NPFFR1: variants seen among roughly 807,000 people sequenced by gnomAD.
The protein encoded by NPFFR1 is G-protein coupled receptor 147.
In NPFFR1, 17 loss-of-function variants were observed where a neutral mutation model predicts 12.7. The ratio of observed to expected loss-of-function variants is 1.34; its 90% confidence interval spans 0.92 to 2.01. The LOEUF (loss-of-function observed/expected upper bound fraction) is 2.01, where lower values mean the gene tolerates loss of function less well. NPFFR1 is among the 30% of genes most tolerant of loss of function. The pLI is 0.00. For synonymous variants in NPFFR1, 296 were observed against 264.5 expected, an observed-to-expected ratio of 1.12 and a Z score of -1.16; for missense variants, 604 against 606.5, an observed-to-expected ratio of 1.00 and a Z score of 0.04.
chr10:70,280,746 G>A (rs1248464777), intron 1 of NPFFR1, among the ~76,000 whole-genome samples: 1 of 152,136 alleles, frequency 6.6e-6, no homozygotes, highest in Non-Finnish European at 1.5e-5. Context: ...GCTCACACCT[G>A]TAATCCCAGC....
At position 70,264,387 on chromosome 10, in the gene NPFFR1, A is replaced by G. The variant is rs796446007; in HGVS notation, c.322+1690T>C. On this transcript the variant is annotated intron_variant, in intron 2 of 3. Transcript: ENST00000277942. ...ACTCCAAAAAAAAAAAAAAAAAAAA[A>G]AAAGAAAGAAAAAATAGTGAAGCTG... Among the ~76,000 whole-genome samples, 718 of 148,700 alleles carry G rather than the reference A, an allele frequency of 4.8e-3. 4 individuals carry two copies. The highest frequency in any genetic ancestry group is 0.015 in the African/African-American group (598 of 40,200).
chr10:70,255,413 G>T lies in NPFFR1; in HGVS notation c.837C>A (p.Phe279Leu). ...VHMLVMVALFFTLSWLPLWAL... is the reference protein window; with the variant it reads ...VHMLVMVALFLTLSWLPLWAL... ...CCCAGAGCGGCAGCCAGGACAGCGTGAAGAACAGCGCCACCATGACCAGCA... is the reference window on the plus strand; with the variant it reads ...CCCAGAGCGGCAGCCAGGACAGCGTTAAGAACAGCGCCACCATGACCAGCA... Residue 279 changes from phenylalanine to leucine, a missense_variant, in exon 4 of 4, where the codon TTC (phenylalanine) becomes TTA (leucine). Transcript: ENST00000277942. This position sits in a 1 kb window ranked among gnomAD's most constrained non-coding sequence, Gnocchi z 4.2. 1 of 1,546,344 alleles carries T rather than the reference G, an allele frequency of 6.5e-7. No individual in the cohort carries two copies. Among genetic ancestry groups the T allele is most frequent in the African/African-American group, 1.4e-5 (1 of 73,180 alleles).
At position 70,266,225 on chromosome 10, in the gene NPFFR1, C is replaced by G. The variant is rs1348436270; in HGVS notation, c.174G>C (p.Met58Ile). The G allele has an allele frequency of 1.9e-6, 3 of 1,613,868 alleles. No homozygotes were observed. The highest frequency in any genetic ancestry group is 2.5e-6 in the Non-Finnish European group (3 of 1,179,902). Residue 58 changes from methionine to isoleucine, a missense_variant, in exon 2 of 4, where the codon ATG becomes ATC. Coordinates refer to ENST00000277942, the MANE Select transcript of NPFFR1 (RefSeq NM_022146.5). ...VAYALIFLLC[M>I]VGNTLVCFIV... ...TGAAACAGACCAGGGTGTTGCCCAC[C>G]ATGCAGAGCAGGAAGATGAGCGCAT... is the stretch of plus-strand genomic sequence containing the variant.
intron 1 of NPFFR1, among the ~76,000 whole-genome samples, chr10:70,278,353 C>G (rs895407163): frequency 2.7e-5 from 4 of 149,358 alleles, no homozygotes; most frequent in Non-Finnish European, 3.0e-5. Context: ...AGATCTCCCC[C>G]ATCTTGAATG....
intron 3 of NPFFR1, among the ~76,000 whole-genome samples, chr10:70,256,072 C>CTTT (rs60840539): frequency 7.3e-6 from 1 of 137,784 alleles, no homozygotes; most frequent in Non-Finnish European, 1.6e-5. Context: ...CACTTTTCTC[C>CTTT]TTTTTTTTTT....
Position 70,255,953 on chromosome 10 carries a change from G to T in NPFFR1, c.423-126C>A. ...TAGGGCGGCGTCGAAGAACAGCTCA[G>T]ACCTGAATTGGCTGAGTAGTCAAAG... On this transcript the variant is annotated intron_variant, in intron 3 of 3. Transcript: ENST00000277942. The surrounding 1 kb of genome is among the most constrained non-coding windows in gnomAD (Gnocchi z 4.2). 1 of 1,002,270 alleles carries T rather than the reference G, an allele frequency of 1.0e-6. No homozygotes were observed. Among genetic ancestry groups the T allele is most frequent in the Non-Finnish European group, 1.4e-6 (1 of 693,204 alleles). 62.1% of individuals were successfully genotyped at this position (1,002,270 alleles called of 1,614,324 possible).
intron 1 of NPFFR1, among the ~76,000 whole-genome samples, chr10:70,267,111 A>C (rs887349079): frequency 6.6e-6 from 1 of 152,090 alleles, no homozygotes; most frequent in Non-Finnish European, 1.5e-5. Context: ...CAATTATTAT[A>C]CCCTCAAACT....
chr10:70,266,203 A>C lies in NPFFR1; in HGVS notation c.196T>G (p.Phe66Val). ...ATGTGCCGGTTCTTGAGCACGATGAAACAGACCAGGGTGTTGCCCACCATG... is the reference window on the plus strand; with the variant it reads ...ATGTGCCGGTTCTTGAGCACGATGACACAGACCAGGGTGTTGCCCACCATG... ...LCMVGNTLVC[F>V]IVLKNRHMHT... The change falls in exon 2 of 4, where the codon TTC becomes GTC. Residue 66 changes from phenylalanine to valine, a missense_variant. Coordinates refer to ENST00000277942, the MANE Select transcript of NPFFR1 (RefSeq NM_022146.5). 1 of 1,614,042 alleles carries C rather than the reference A, an allele frequency of 6.2e-7. No homozygotes were observed. The highest frequency in any genetic ancestry group is 8.5e-7 in the Non-Finnish European group (1 of 1,179,902).
At chr10:70,282,000 T>A (rs78452090) in intron 1 of NPFFR1, among the ~76,000 whole-genome samples, 4,221 of 152,320 alleles carry the variant, frequency 0.028, 113 homozygotes, top group East Asian at 0.13. Context: ...GCTTTTTAGA[T>A]AAAAAATTTA....
At position 70,272,265 on chromosome 10, in the gene NPFFR1, A is replaced by G. The variant is rs147329857; in HGVS notation, c.8-5874T>C. Among the ~76,000 whole-genome samples, 55 of 147,842 alleles carry G rather than the reference A, an allele frequency of 3.7e-4. No individual in the cohort carries two copies. In the East Asian group the frequency reaches 8.8e-3, roughly 24 times the overall value. ...GAAAGAAGAAAGAAGAAAGAAAATA[A>G]TAGAAAGAAAACAATCCCTAAATGA... On this transcript the variant is annotated intron_variant, in intron 1 of 3. Transcript: ENST00000277942.
chr10:70,272,562 A>G (rs1410282032), intron 1 of NPFFR1, among the ~76,000 whole-genome samples: 1 of 152,260 alleles, frequency 6.6e-6, no homozygotes, highest in Non-Finnish European at 1.5e-5. Context: ...TTGTAATCTA[A>G]GCAATGCAAT....
In NPFFR1 at chr10:70,255,653, C is replaced by T. The variant is rs10999212; in HGVS notation, c.597G>A (p.Pro199=). 53 of 1,593,622 alleles carry T rather than the reference C, an allele frequency of 3.3e-5. 1 individual carries two copies. The highest frequency in any genetic ancestry group is 2.5e-4 in the South Asian group (22 of 87,808). ...GCCAGGCCTCCCAGCAGGAGTAGAGCGGGTAGGAGCGGTTGCGGGCGTCCA... is the reference window on the plus strand; with the variant it reads ...GCCAGGCCTCCCAGCAGGAGTAGAGTGGGTAGGAGCGGTTGCGGGCGTCCA... ...FMVDARNRSY[P]LYSCWEAWPE... Residue 199 remains proline (P), a synonymous_variant, in exon 4 of 4, where the codon CCG becomes CCA. Coordinates refer to ENST00000277942, the MANE Select transcript of NPFFR1 (RefSeq NM_022146.5). The surrounding 1 kb of genome is among the most constrained non-coding windows in gnomAD (Gnocchi z 4.2).
At chr10:70,265,320 C>G (rs988896370) in intron 2 of NPFFR1, among the ~76,000 whole-genome samples, 1 of 152,210 alleles carries the variant, frequency 6.6e-6, no homozygotes, top group South Asian at 2.1e-4. Flanking sequence ...TCTCTGAAAA[C>G]CAGTCCCTCA....
chr10:70,263,718 T>C (rs904989139), intron 2 of NPFFR1, among the ~76,000 whole-genome samples: 1 of 151,688 alleles, frequency 6.6e-6, no homozygotes, highest in African/African-American at 2.4e-5. Context: ...CAGAGTGAAA[T>C]CACATAGTGC....
intron 1 of NPFFR1, among the ~76,000 whole-genome samples, chr10:70,276,990 G>A (rs1327651828): frequency 2.6e-5 from 4 of 152,174 alleles, no homozygotes; most frequent in Admixed American, 6.5e-5. Flanking sequence ...TACATAGACC[G>A]CCTGGCTCTA....
Position 70,255,385 on chromosome 10 carries a change from G to C in NPFFR1, c.865C>G (p.Leu289Val), listed in dbSNP as rs1564592737. ...TGCCCGTAGTCGATGAGCAGCAGCA[G>C]CGCCCAGAGCGGCAGCCAGGACAGC... The part of the protein sequence containing the change: ...FTLSWLPLWA[L>V]LLLIDYGQLS... Residue 289 changes from leucine to valine, a missense_variant, in exon 4 of 4, where the codon CTG becomes GTG. Physicochemically the swap from Leu to Val is conservative, Grantham distance 32. Coordinates refer to ENST00000277942, the MANE Select transcript of NPFFR1 (RefSeq NM_022146.5). This position sits in a 1 kb window ranked among gnomAD's most constrained non-coding sequence, Gnocchi z 4.2. 6.5e-7 allele frequency: 1 copy of C among 1,548,730 alleles called. No homozygotes were observed. Among genetic ancestry groups the C allele is most frequent in the Admixed American group, 1.9e-5 (1 of 51,288 alleles).
At chr10:70,272,510 C>T (rs576658988) in intron 1 of NPFFR1, among the ~76,000 whole-genome samples, 16 of 152,362 alleles carry the variant, frequency 1.1e-4, no homozygotes, top group African/African-American at 3.8e-4. Flanking sequence ...ATGAACAGGA[C>T]TGATGGCTGT....
At chr10:70,260,485 T>C (rs975165023) in intron 3 of NPFFR1, among the ~76,000 whole-genome samples, 155 bp downstream of exon 3, 1 of 152,200 alleles carries the variant, frequency 6.6e-6, no homozygotes, top group Non-Finnish European at 1.5e-5. Flanking sequence ...AGAGGGCAGC[T>C]GGGCCCAGGG....
At chr10:70,280,274 C>T (rs954202816) in intron 1 of NPFFR1, among the ~76,000 whole-genome samples, 3 of 152,156 alleles carry the variant, frequency 2.0e-5, no homozygotes, top group South Asian at 2.1e-4. Flanking sequence ...ATGGTAATTC[C>T]GTTTTTAGCT....
Sources: gnomAD v4.1 joint callset for allele counts (sites outside exome capture counted in the v4.1 genomes callset) on GRCh38, gnomAD v4.1.1 for gene constraint, Gnocchi (gnomAD v3.1) non-coding constraint, MANE v1.5 for transcripts, NCBI Gene and HGNC (gene_info 2026-07-23, HGNC 2026-07-21) for gene names.